Variants in DDX10 observed in about 807,000 individuals in gnomAD.
DDX10 encodes probable ATP-dependent RNA helicase DDX10.
DDX10 carries 74 observed loss-of-function variants against 104.3 expected under a neutral mutation model. That is an observed-to-expected ratio of 0.71 (90% confidence interval 0.59 to 0.86). The LOEUF (loss-of-function observed/expected upper bound fraction) is 0.86. Among genes scored for constraint, DDX10 ranks in the 40% least tolerant of loss-of-function variants. The pLI is 0.00. For synonymous variants in DDX10, 351 were observed against 353.4 expected, an observed-to-expected ratio of 0.99 and a Z score of 0.08; for missense variants, 952 against 1,040.0, an observed-to-expected ratio of 0.92 and a Z score of 1.16.
intron 16 of DDX10, among the ~76,000 whole-genome samples, chr11:108,901,301 A>T (rs1449210979): frequency 2.0e-5 from 3 of 152,162 alleles, no homozygotes; most frequent in African/African-American, 7.2e-5. Context: ...TGTTGCGTGA[A>T]TTTTTTGCAC....
intron 13 of DDX10, chr11:108,767,875 ACTT>A (rs1171070975): frequency 6.6e-6 from 1 of 152,186 alleles, no homozygotes. Context: ...CACCTCCTCC[ACTT>A]CTTCTGCCTC....
chr11:108,722,634 AG>A (rs945637002), intron 12 of DDX10, among the ~76,000 whole-genome samples: 3 of 152,130 alleles, frequency 2.0e-5, no homozygotes, highest in African/African-American at 4.8e-5. Flanking sequence ...AGCAACTGTG[AG>A]TTAGGCCTGG....
At chr11:108,691,786 T>A in intron 7 of DDX10, 90 bp from the exon 8 acceptor site, 1 of 1,145,932 alleles carries the variant, frequency 8.7e-7, no homozygotes, top group Non-Finnish European at 1.2e-6. Flanking sequence ...ATTGCTCTGC[T>A]GTTGAGACTC....
chr11:108,753,201 T>G (rs1490346865), intron 13 of DDX10, among the ~76,000 whole-genome samples: 1 of 152,092 alleles, frequency 6.6e-6, no homozygotes, highest in Admixed American at 6.6e-5. Flanking sequence ...CATTAAAAAT[T>G]TATGTCTTAA....
In DDX10 at chr11:108,794,958, G is replaced by A. The variant is rs377212924; in HGVS notation, c.1966-43488G>A. Among the ~76,000 whole-genome samples, 6 of 151,986 alleles carry A rather than the reference G, an allele frequency of 3.9e-5. No individual in the cohort carries two copies. In the East Asian group the frequency reaches 1.2e-3, roughly 29 times the overall value. Reference sequence around the variant, plus strand: ...TTCTCCTGCCTTAGCCTCCCCAATAGCTGGGATTACAGGCATGTGCCACTG... The same window carrying A: ...TTCTCCTGCCTTAGCCTCCCCAATAACTGGGATTACAGGCATGTGCCACTG... On this transcript the variant is annotated intron_variant, in intron 13 of 17. Coordinates refer to ENST00000322536, the MANE Select transcript of DDX10 (RefSeq NM_004398.4).
chr11:108,675,266 C>T (rs2094222833), intron 2 of DDX10, among the ~76,000 whole-genome samples: 1 of 152,108 alleles, frequency 6.6e-6, no homozygotes. Context: ...TTAATAAACC[C>T]TTTGGATTAT....
At chr11:108,932,157 A>G (rs939834181) in intron 17 of DDX10, among the ~76,000 whole-genome samples, 1 of 151,940 alleles carries the variant, frequency 6.6e-6, no homozygotes, top group Non-Finnish European at 1.5e-5. Flanking sequence ...ATACATAAAC[A>G]AGGGGGTGAG....
At chr11:108,692,179 G>C (rs2094253618) in intron 8 of DDX10, 141 bp downstream of exon 8, 3 of 708,740 alleles carry the variant, frequency 4.2e-6, no homozygotes, top group Admixed American at 3.4e-5. Context: ...TAGTAAATTG[G>C]TAGCAGTTGA....
At chr11:108,689,103 G>A (rs760207402) in intron 7 of DDX10, 41 bp downstream of exon 7, 1 of 1,604,904 alleles carries the variant, frequency 6.2e-7, no homozygotes, top group South Asian at 1.1e-5. Flanking sequence ...TATGTTGAAT[G>A]TCCCTTTTGA....
At chr11:108,852,359 A>G (rs1283936441) in intron 16 of DDX10, 150 bp downstream of exon 16, 2 of 591,780 alleles carry the variant, frequency 3.4e-6, no homozygotes, top group Non-Finnish European at 5.8e-6. Flanking sequence ...TTATTTGTAT[A>G]TCATGATATT....
At chr11:108,762,496 C>G (rs1320214152) in intron 13 of DDX10, among the ~76,000 whole-genome samples, 1 of 152,052 alleles carries the variant, frequency 6.6e-6, no homozygotes, top group Non-Finnish European at 1.5e-5. Flanking sequence ...AAAAACTAGG[C>G]AATAGAGACC....
chr11:108,922,401 T>C (rs1863846887), intron 17 of DDX10, among the ~76,000 whole-genome samples: 1 of 152,150 alleles, frequency 6.6e-6, no homozygotes, highest in Admixed American at 6.5e-5. Context: ...CTTTGAAAAT[T>C]TCCTCTGGGT....
intron 15 of DDX10, among the ~76,000 whole-genome samples, chr11:108,843,549 G>A (rs1428952960): frequency 1.3e-5 from 2 of 152,064 alleles, no homozygotes; most frequent in East Asian, 1.9e-4. Context: ...CACGAGGTCA[G>A]GAGTTCAAGA....
At chr11:108,871,393 C>T (rs1863080026) in intron 16 of DDX10, among the ~76,000 whole-genome samples, 1 of 152,212 alleles carries the variant, frequency 6.6e-6, no homozygotes, top group Non-Finnish European at 1.5e-5. Context: ...AACTCTGGAA[C>T]ACATAAGCTC....
At chr11:108,823,771 T>C (rs1462958138) in intron 13 of DDX10, among the ~76,000 whole-genome samples, 2 of 152,254 alleles carry the variant, frequency 1.3e-5, no homozygotes, top group East Asian at 3.8e-4. Context: ...TAAGCCGCAC[T>C]AACCAGGCTG....
At chr11:108,883,065 T>TG (rs1555036866) in intron 16 of DDX10, among the ~76,000 whole-genome samples, 2 of 152,150 alleles carry the variant, frequency 1.3e-5, no homozygotes, top group Admixed American at 1.3e-4. Context: ...ACGGGGTTTT[T>TG]CCCCCCTCTC....
intron 13 of DDX10, among the ~76,000 whole-genome samples, chr11:108,816,596 A>G (rs1862258900): frequency 7.0e-6 from 1 of 143,056 alleles, no homozygotes; most frequent in Admixed American, 7.5e-5. Flanking sequence ...TCTGGCGCCC[A>G]GGCTGGAGTA....
chr11:108,734,948 C>G (rs903809197), intron 13 of DDX10, among the ~76,000 whole-genome samples: 2 of 152,182 alleles, frequency 1.3e-5, no homozygotes, highest in African/African-American at 4.8e-5. Flanking sequence ...CATAAGACCA[C>G]TTTTTAAGTC....
chr11:108,872,820 T>TTCC (rs1565305030), intron 16 of DDX10, among the ~76,000 whole-genome samples: 46 of 145,070 alleles, frequency 3.2e-4, no homozygotes, highest in Non-Finnish European at 5.5e-4. Context: ...TAATTTCCGT[T>TTCC]CCCCCCCCCT....
Sources: allele counts gnomAD v4.1 joint callset (sites outside exome capture counted in the v4.1 genomes callset), GRCh38; gene constraint gnomAD v4.1.1; transcripts MANE v1.5; gene names NCBI Gene and HGNC (gene_info 2026-07-23, HGNC 2026-07-21).